Variants in ARHGAP20 observed in about 807,000 individuals in gnomAD.
The protein encoded by ARHGAP20 is Rho GTPase activating protein 20.
A neutral mutation model predicts 73.7 loss-of-function variants in ARHGAP20; 34 were observed. The ratio of observed to expected loss-of-function variants is 0.46; its 90% CI spans 0.35 to 0.61. The LOEUF is 0.61. ARHGAP20 is among the 20% of genes least tolerant of loss of function. ARHGAP20 has a pLI of 0.00. For synonymous variants in ARHGAP20, 523 were observed against 518.2 expected (o/e 1.01, Z -0.13); for missense variants, 1,314 against 1,420.9 (o/e 0.92, Z 1.21).
At chr11:110,698,961 G>A (rs1014044654) in intron 1 of ARHGAP20, among the ~76,000 whole-genome samples, 1 of 151,272 alleles carries the variant, frequency 6.6e-6, no homozygotes, top group East Asian at 1.9e-4. Context: ...CTAGCTTTGG[G>A]TTCCAATTGG....
intron 1 of ARHGAP20, among the ~76,000 whole-genome samples, chr11:110,703,007 T>C (rs886092603): frequency 1.3e-4 from 20 of 152,212 alleles, no homozygotes; most frequent in Non-Finnish European, 4.4e-5. Flanking sequence ...TACCAATGAC[T>C]TTCTTCACAG....
chr11:110,692,360 G>C (rs1950259338), intron 1 of ARHGAP20, among the ~76,000 whole-genome samples: 1 of 152,064 alleles, frequency 6.6e-6, no homozygotes, highest in Non-Finnish European at 1.5e-5. Context: ...TTTTTGCAGG[G>C]TTCTGTTTCA....
intron 9 of ARHGAP20, among the ~76,000 whole-genome samples, chr11:110,598,234 A>G (rs1948021545): frequency 6.6e-6 from 1 of 151,990 alleles, no homozygotes. Context: ...ACAGAAAAAA[A>G]GATGTATCCC....
intron 2 of ARHGAP20, among the ~76,000 whole-genome samples, chr11:110,686,405 T>C (rs1950132408): frequency 6.6e-6 from 1 of 152,124 alleles, no homozygotes; most frequent in South Asian, 2.1e-4. Flanking sequence ...GGCAAGAATT[T>C]AAAAGGAAAT....
chr11:110,637,606 T>C (rs1023881633), intron 2 of ARHGAP20, among the ~76,000 whole-genome samples: 17 of 152,134 alleles, frequency 1.1e-4, no homozygotes, highest in Admixed American at 1.1e-3. Context: ...GGGCTGTCTT[T>C]GCTGGGTACC....
rs373436053 is a variant in ARHGAP20 at position 110,662,048 on chromosome 11, T to C, written c.188+28499A>G. Reference sequence around the variant, plus strand: ...TGTAGAAAGGGAAGAAAAGTATCTCTATGTACTGGTAAGGAGTAATCCTAC... The same window carrying C: ...TGTAGAAAGGGAAGAAAAGTATCTCCATGTACTGGTAAGGAGTAATCCTAC... On this transcript the variant is annotated intron_variant, in intron 2 of 14. Transcript: ENST00000683387. Among the ~76,000 whole-genome samples the C allele has an allele frequency of 4.6e-5, 7 of 152,126 alleles. No individual in the cohort carries two copies. The East Asian group carries it at 1.2e-3, about 25-fold the overall frequency.
chr11:110,594,488 C>T (rs1331166183), intron 9 of ARHGAP20, among the ~76,000 whole-genome samples: 2 of 152,176 alleles, frequency 1.3e-5, no homozygotes, highest in African/African-American at 4.8e-5. Context: ...CTCCTCCCCA[C>T]AAAGAGGACA....
At chr11:110,611,691 A>C (rs934480074) in intron 6 of ARHGAP20, among the ~76,000 whole-genome samples, 3 of 152,242 alleles carry the variant, frequency 2.0e-5, no homozygotes, top group Admixed American at 6.5e-5. Flanking sequence ...TCCAATTAAA[A>C]AAATAGATCA....
intron 9 of ARHGAP20, among the ~76,000 whole-genome samples, chr11:110,601,397 C>T (rs1948106123): frequency 6.6e-6 from 1 of 152,168 alleles, no homozygotes; most frequent in Non-Finnish European, 1.5e-5. Context: ...TAAATTAGAA[C>T]ATGACAAAGA....
chr11:110,577,289 CAT>C lies in ARHGAP20; in HGVS notation c.*2079_*2080del, dbSNP rs1210924050. On this transcript the variant is annotated 3_prime_UTR_variant, in exon 15 of 15. Transcript: ENST00000683387. ...AGATTGATGGAGTATAATAAAATGA[CAT>C]ATAGTCTGTCTTCAAATCATACAAT... 6 of 1,370,770 alleles carry C rather than the reference CAT, an allele frequency of 4.4e-6. No individual in the cohort carries two copies. The highest frequency in any genetic ancestry group is 1.5e-5 in the African/African-American group (1 of 67,602). The allele number at this position is 1,370,770 out of a possible 1,614,324, so 84.9% of individuals were successfully genotyped here. A position where few individuals can be genotyped will look rare whatever the true frequency, so the allele number is the denominator to read the frequency against.
Position 110,606,547 on chromosome 11 carries a change from T to C in ARHGAP20, c.964+14A>G, listed in dbSNP as rs1948234029. 5 of 1,598,466 alleles carry C rather than the reference T, an allele frequency of 3.1e-6. No homozygotes were observed. In the East Asian group the frequency reaches 9.1e-5, roughly 29 times the overall value. ...TATGTTCAAGAACGAAAACTTTTGC[T>C]AGAAGCAACTCACCACTCAGTTGCT... is the stretch of plus-strand genomic sequence containing the variant. On this transcript the variant is annotated intron_variant, in intron 9 of 14. Coordinates refer to ENST00000683387, the MANE Select transcript of ARHGAP20 (RefSeq NM_001384657.1).
At chr11:110,597,130 G>C (rs1947985502) in intron 9 of ARHGAP20, among the ~76,000 whole-genome samples, 1 of 135,374 alleles carries the variant, frequency 7.4e-6, no homozygotes, top group Admixed American at 7.4e-5. Context: ...TCACACACCG[G>C]GGACCGTTGT....
intron 1 of ARHGAP20, 45 bp from the exon 2 acceptor site, chr11:110,690,674 GC>G: frequency 6.4e-7 from 1 of 1,562,226 alleles, no homozygotes. Flanking sequence ...GGCTTGTAAG[GC>G]AAGACAATGT....
intron 4 of ARHGAP20, among the ~76,000 whole-genome samples, chr11:110,620,848 G>A (rs1375646681): frequency 2.6e-5 from 4 of 151,598 alleles, no homozygotes; most frequent in African/African-American, 9.7e-5. Flanking sequence ...GAGGCAGGCA[G>A]ATCACCTGAG....
chr11:110,614,134 C>G lies in ARHGAP20; in HGVS notation c.630+427G>C, dbSNP rs189859325. Among the ~76,000 whole-genome samples the G allele has an allele frequency of 2.4e-3, 360 of 152,192 alleles. 2 individuals are homozygous for G. Among genetic ancestry groups the G allele is most frequent in the Admixed American group, 5.3e-3 (81 of 15,280 alleles). Reference sequence around the variant, plus strand: ...TTAAAGAATGAAGAACTTTTCAAAACCACTTTCTGCTTAAGAGTGACAAGT... The same window carrying G: ...TTAAAGAATGAAGAACTTTTCAAAAGCACTTTCTGCTTAAGAGTGACAAGT... On this transcript the variant is annotated intron_variant, in intron 6 of 14. Coordinates refer to ENST00000683387, the MANE Select transcript of ARHGAP20 (RefSeq NM_001384657.1).
chr11:110,688,270 C>T (rs1205203056), intron 2 of ARHGAP20, among the ~76,000 whole-genome samples: 1 of 151,560 alleles, frequency 6.6e-6, no homozygotes, highest in Non-Finnish European at 1.5e-5. Flanking sequence ...GTTAGTAACA[C>T]CCCCTCCTCC....
chr11:110,648,218 T>C (rs1022076462), intron 2 of ARHGAP20, among the ~76,000 whole-genome samples: 9 of 50,596 alleles, frequency 1.8e-4, no homozygotes, highest in Admixed American at 1.2e-3. Context: ...TAAATATATA[T>C]ATGTATATAT....
rs1293989923 is a variant in ARHGAP20, at chr11:110,580,306, T to C, written c.2640A>G (p.Gly880=). Residue 880 remains glycine, a synonymous_variant, in exon 15 of 15, where the codon GGA becomes GGG. Transcript: ENST00000683387. ...TATGCCGTTTGAGATAATCCTCCTCTCCATGCAAGAGACCAGCTTCACAGC... is the reference window on the plus strand; with the variant it reads ...TATGCCGTTTGAGATAATCCTCCTCCCCATGCAAGAGACCAGCTTCACAGC... ...KTSCEAGLLH[G]EEDYLKRHKS... The C allele has an allele frequency of 3.7e-6, 6 of 1,614,206 alleles. No homozygotes were observed. Among genetic ancestry groups the C allele is most frequent in the Non-Finnish European group, 3.4e-6 (4 of 1,180,034 alleles).
chr11:110,651,434 G>A (rs1949350167), intron 2 of ARHGAP20, among the ~76,000 whole-genome samples: 1 of 151,812 alleles, frequency 6.6e-6, no homozygotes. Flanking sequence ...ACAAATCCAG[G>A]AGCTGTTTTT....
Sources: allele counts gnomAD v4.1 joint callset (sites outside exome capture counted in the v4.1 genomes callset), GRCh38; gene constraint gnomAD v4.1.1; transcripts MANE v1.5; gene names NCBI Gene and HGNC (gene_info 2026-07-23, HGNC 2026-07-21).